ZNF808: variants seen among roughly 807,000 people sequenced by gnomAD.
ZNF808 encodes the protein zinc finger protein 808.
In ZNF808, 5 loss-of-function variants were observed where a neutral mutation model predicts 8.7. That is an observed-to-expected ratio of 0.58 (90% CI 0.30 to 1.21). ZNF808 has a LOEUF of 1.21. Among genes scored for constraint, ZNF808 ranks in the 50% most tolerant of loss-of-function variants. The probability of loss-of-function intolerance (pLI) is 0.07; values close to 1 mark genes in which losing one functional copy is unlikely to be tolerated. For synonymous variants in ZNF808, 380 were observed against 366.0 expected (o/e 1.04, Z -0.44); for missense variants, 1,103 against 1,098.4 (o/e 1.00, Z -0.06).
chr19:52,545,111 G>A (rs1361855983), intron 3 of ZNF808, among the ~76,000 whole-genome samples: 1 of 152,214 alleles, frequency 6.6e-6, no homozygotes, highest in Non-Finnish European at 1.5e-5. Context: ...GACTGTCAAT[G>A]CAATGGAAAG....
At chr19:52,564,462 T>G in exon 4 of ZNF808, 1 of 230,770 alleles carries the variant, frequency 4.3e-6, no homozygotes, top group Non-Finnish European at 8.4e-6. Context: ...TTACCTAAAT[T>G]TCTGTTTTGC....
rs749649546 is a variant in ZNF808, at chr19:52,554,835, G to A, written c.1919G>A (p.Arg640Gln). The change falls in exon 5 of 5, where the codon CGA (arginine) becomes CAA (glutamine). Residue 640 changes from arginine (R) to glutamine (Q), a missense_variant. Coordinates refer to ENST00000359798, the MANE Select transcript of ZNF808 (RefSeq NM_001039886.4). The part of the protein sequence containing the change: ...TAFTWNSQLA[R>Q]HTRIHTGEKT... ...TTCACGTGGAATTCACAGCTGGCAC[G>A]ACATACAAGAATTCACACTGGAGAA... is the stretch of plus-strand genomic sequence containing the variant. The A allele has an allele frequency of 1.3e-5, 21 of 1,613,940 alleles. No homozygotes were observed. The highest frequency in any genetic ancestry group is 4.4e-5 in the South Asian group (4 of 91,088).
intron 4 of ZNF808, 100 bp downstream of exon 4, chr19:52,547,738 G>GT: frequency 6.3e-6 from 8 of 1,259,876 alleles, no homozygotes; most frequent in African/African-American, 2.3e-5. Context: ...CATCCATGCT[G>GT]GTTTTTTTTT....
At chr19:52,529,913 T>TA (rs202165634) in intron 1 of ZNF808, among the ~76,000 whole-genome samples, 18,542 of 80,806 alleles carry the variant, frequency 0.23, 1,502 homozygotes, top group Admixed American at 0.31. Context: ...ATATATATAT[T>TA]TTTTTTTTTT....
downstream of ZNF808, among the ~76,000 whole-genome samples, chr19:52,565,580 C>T (rs1339639066): frequency 6.6e-6 from 1 of 152,186 alleles, no homozygotes; most frequent in Non-Finnish European, 1.5e-5. Flanking sequence ...TCCCTCTGCA[C>T]ACCTGAGTCA....
At chr19:52,530,675 A>G (rs2059553929) in intron 1 of ZNF808, among the ~76,000 whole-genome samples, 1 of 150,794 alleles carries the variant, frequency 6.6e-6, no homozygotes, top group African/African-American at 2.4e-5. Context: ...AAAAAAAAAG[A>G]GAGAAAGAAA....
intron 2 of ZNF808, among the ~76,000 whole-genome samples, chr19:52,538,406 A>G (rs368302890): frequency 0.16 from 22,441 of 141,518 alleles, 5 homozygotes; most frequent in Non-Finnish European, 0.17. Flanking sequence ...GCAATGGCAC[A>G]ATCTTGGCTA....
chr19:52,544,149 ACT>A (rs921018049), intron 3 of ZNF808, among the ~76,000 whole-genome samples: 3 of 151,964 alleles, frequency 2.0e-5, no homozygotes, highest in Non-Finnish European at 2.9e-5. Context: ...ATGGAGCGAG[ACT>A]CTGTCTCAAA....
chr19:52,541,395 A>T (rs961893584), intron 2 of ZNF808, among the ~76,000 whole-genome samples: 1 of 152,028 alleles, frequency 6.6e-6, no homozygotes, highest in Non-Finnish European at 1.5e-5. Flanking sequence ...TTTCTAGAGG[A>T]GGAAGACCAA....
chr19:52,554,633 G>T lies in ZNF808; in HGVS notation c.1717G>T (p.Gly573Trp). The T allele has an allele frequency of 6.2e-7, 1 of 1,613,836 alleles. No homozygotes were observed. The highest frequency in any genetic ancestry group is 8.5e-7 in the Non-Finnish European group (1 of 1,179,864). Residue 573 changes from glycine (G) to tryptophan (W), a missense_variant, in exon 5 of 5, where the codon GGG becomes TGG. Gly to Trp is a radical substitution (Grantham distance 184, BLOSUM62 -2). Transcript: ENST00000359798. Reference sequence around the variant, plus strand: ...GAAACCTTACAAGTGTAATGAATGTGGGAAAGCTTTTAATCAACAATCACA... The same window carrying T: ...GAAACCTTACAAGTGTAATGAATGTTGGAAAGCTTTTAATCAACAATCACA... ...AKKPYKCNEC[G>W]KAFNQQSHLS...
At chr19:52,529,486 A>G (rs1427071497) in intron 1 of ZNF808, among the ~76,000 whole-genome samples, 1 of 152,206 alleles carries the variant, frequency 6.6e-6, no homozygotes, top group East Asian at 1.9e-4. Flanking sequence ...CTAATAACTA[A>G]AAACTTGTTT....
Position 52,555,715 on chromosome 19 carries a change from TAA to T in ZNF808, c.*88_*89del. On this transcript the variant is annotated 3_prime_UTR_variant, in exon 5 of 5. Transcript: ENST00000359798. ...ATGATGAAGAGAAATCTTCTGAGTG[TAA>T]TAAATGTGGCATGTTTTTCAGACAT... 1 of 1,528,138 alleles carries T rather than the reference TAA, an allele frequency of 6.5e-7. No homozygotes were observed. 94.7% of individuals were successfully genotyped at this position (1,528,138 alleles called of 1,614,324 possible). A position where few individuals can be genotyped will look rare whatever the true frequency, so the allele number is the denominator to read the frequency against.
intron 1 of ZNF808, 108 bp from the exon 2 acceptor site, chr19:52,532,798 ATG>A (rs2059573107): frequency 6.5e-6 from 1 of 154,296 alleles, no homozygotes; most frequent in Admixed American, 6.5e-5. Flanking sequence ...TTTGAAGATC[ATG>A]TTTGGGAAGT....
In ZNF808 at chr19:52,556,076, T is replaced by G; in HGVS notation, c.*448T>G. The stretch of plus-strand genomic sequence containing the variant: ...GTGAGTATAGCAAACCATCAAGCAT[T>G]AATTGACATTGGAGTCAATTCAGCA... On this transcript the variant is annotated 3_prime_UTR_variant, in exon 5 of 5. Coordinates refer to ENST00000359798, the MANE Select transcript of ZNF808 (RefSeq NM_001039886.4). 1 of 442,312 alleles carries G rather than the reference T, an allele frequency of 2.3e-6. No individual in the cohort carries two copies. The highest frequency in any genetic ancestry group is 6.1e-5 in the East Asian group (1 of 16,528). 27.4% of individuals were successfully genotyped at this position (442,312 alleles called of 1,614,324 possible).
At chr19:52,532,383 G>A (rs73934554) in intron 1 of ZNF808, among the ~76,000 whole-genome samples, 2,780 of 152,052 alleles carry the variant, frequency 0.018, 78 homozygotes, top group African/African-American at 0.064. Context: ...CCGCCACCAC[G>A]CCTGGCTGAT....
Position 52,549,881 on chromosome 19 carries a change from A to T in ZNF808, c.190+2243A>T, listed in dbSNP as rs571572633. On this transcript the variant is annotated intron_variant, in intron 4 of 4. Coordinates refer to ENST00000359798, the MANE Select transcript of ZNF808 (RefSeq NM_001039886.4). ...TTGTTCATCCACTGGACAAAATTAT[A>T]GGAGGCCGCTTAAATCAGTGTGTGC... Among the ~76,000 whole-genome samples, 125 of 152,232 alleles carry T rather than the reference A, an allele frequency of 8.2e-4. No homozygotes were observed. In the East Asian group the frequency reaches 8.7e-3, roughly 11 times the overall value.
downstream of ZNF808, among the ~76,000 whole-genome samples, chr19:52,560,008 T>C (rs1463033477): frequency 1.3e-5 from 2 of 152,194 alleles, no homozygotes; most frequent in African/African-American, 4.8e-5. Context: ...TGTAAGTATT[T>C]TTCATTTTTG....
At position 52,554,285 on chromosome 19, in the gene ZNF808, T is replaced by C; in HGVS notation, c.1369T>C (p.Cys457Arg). ...RIHTGEKPYKCKVCDTAFTCN... is the reference protein window; with the variant it reads ...RIHTGEKPYKRKVCDTAFTCN... ...TCATACTGGAGAGAAACCATACAAA[T>C]GTAAGGTTTGTGATACAGCTTTCAC... The change falls in exon 5 of 5, where the codon TGT (cysteine) becomes CGT (arginine). Residue 457 changes from cysteine (C) to arginine (R), a missense_variant. Physicochemically the swap from Cys to Arg is radical, Grantham distance 180. Coordinates refer to ENST00000359798, the MANE Select transcript of ZNF808 (RefSeq NM_001039886.4). The C allele has an allele frequency of 1.2e-6, 2 of 1,614,104 alleles. No homozygotes were observed. The highest frequency in any genetic ancestry group is 8.5e-7 in the Non-Finnish European group (1 of 1,180,006).
chr19:52,551,855 T>C (rs2059780055), intron 4 of ZNF808, among the ~76,000 whole-genome samples: 1 of 151,798 alleles, frequency 6.6e-6, no homozygotes, highest in Admixed American at 6.6e-5. Context: ...ACACAAAAAT[T>C]AGCCAGGTGT....
Sources: allele counts gnomAD v4.1 joint callset (sites outside exome capture counted in the v4.1 genomes callset), GRCh38; gene constraint gnomAD v4.1.1; transcripts MANE v1.5; gene names NCBI Gene and HGNC (gene_info 2026-07-23, HGNC 2026-07-21).